ROBO1: variants seen among roughly 807,000 people sequenced by gnomAD.
The protein encoded by ROBO1 is roundabout guidance receptor 1, also known as roundabout homolog 1.
ROBO1 carries 149 observed loss-of-function variants against 195.9 expected under a neutral mutation model. The observed-to-expected ratio is 0.76, with a 90% CI of 0.67 to 0.87. The LOEUF (loss-of-function observed/expected upper bound fraction) is 0.87, where lower values mean the gene tolerates loss of function less well. Among genes scored for constraint, ROBO1 ranks in the 40% least tolerant of loss-of-function variants. The pLI, the probability that ROBO1 is intolerant of heterozygous loss-of-function variation, is 0.00. For synonymous variants in ROBO1, 816 were observed against 733.2 expected, an observed-to-expected ratio of 1.11 and a Z score of -1.82; for missense variants, 1,933 against 2,068.3, an observed-to-expected ratio of 0.93 and a Z score of 1.27.
At chr3:79,536,192 A>G (rs1246543337) in intron 2 of ROBO1, among the ~76,000 whole-genome samples, 2 of 152,104 alleles carry the variant, frequency 1.3e-5, no homozygotes, top group Non-Finnish European at 2.9e-5. Context: ...ACATATATAT[A>G]TCCCATATAT....
At chr3:78,872,777 T>A (rs899208169) in intron 4 of ROBO1, among the ~76,000 whole-genome samples, 1 of 152,150 alleles carries the variant, frequency 6.6e-6, no homozygotes, top group Non-Finnish European at 1.5e-5. Context: ...CCTTCCAAGG[T>A]TTTATTTAAT....
At chr3:78,620,164 A>G (rs900854358) in intron 26 of ROBO1, among the ~76,000 whole-genome samples, 1 of 152,148 alleles carries the variant, frequency 6.6e-6, no homozygotes, top group East Asian at 1.9e-4. Flanking sequence ...TCTCTACTAT[A>G]GAGAGGGAAA....
chr3:79,754,042 A>T (rs1704258297), intron 1 of ROBO1, among the ~76,000 whole-genome samples: 1 of 152,186 alleles, frequency 6.6e-6, no homozygotes, highest in Non-Finnish European at 1.5e-5. Flanking sequence ...GTCTAAGGAT[A>T]CAAGGAAATA....
intron 10 of ROBO1, among the ~76,000 whole-genome samples, chr3:78,675,986 G>A (rs1251965665): frequency 6.6e-6 from 1 of 152,064 alleles, no homozygotes; most frequent in Non-Finnish European, 1.5e-5. Flanking sequence ...AACTTCCAGA[G>A]GAACAATCAG....
intron 2 of ROBO1, among the ~76,000 whole-genome samples, chr3:79,164,817 T>C (rs567562203): frequency 6.6e-6 from 1 of 152,278 alleles, no homozygotes; most frequent in East Asian, 1.9e-4. Flanking sequence ...TTCTTGCTGT[T>C]TATCAAACAC....
rs151309857 is a variant in ROBO1, at chr3:79,181,925, CAA to C, written c.89-56388_89-56387del. ...TGGGAGAAAGAGCGAGATCTTGTGC[CAA>C]AAAAAAAAAAAAAAAAATTAAGAAA... On this transcript the variant is annotated intron_variant, in intron 2 of 30. Coordinates refer to ENST00000464233, the MANE Select transcript of ROBO1 (RefSeq NM_002941.4). Among the ~76,000 whole-genome samples the C allele has an allele frequency of 3.4e-3, 301 of 87,594 alleles. 3 individuals are homozygous for C. The highest frequency in any genetic ancestry group is 7.3e-3 in the African/African-American group (205 of 28,078). The allele number at this position is 87,594 out of a possible 152,430, so 57.5% of individuals were successfully genotyped here.
In ROBO1 at chr3:78,966,809, A is replaced by G. The variant is rs556998247; in HGVS notation, c.173-27882T>C. The stretch of plus-strand genomic sequence containing the variant: ...TTTCCCTGGACAAATGCTACACTTC[A>G]TCAGATCTGGTCTCTCTGTAGATCC... On this transcript the variant is annotated intron_variant, in intron 3 of 30. Coordinates refer to ENST00000464233, the MANE Select transcript of ROBO1 (RefSeq NM_002941.4). 1.1e-4 allele frequency among the ~76,000 whole-genome samples: 17 copies of G among 152,346 alleles called. No individual in the cohort carries two copies. In the South Asian group the frequency reaches 3.5e-3, roughly 32 times the overall value.
At chr3:79,632,974 C>T (rs1945387463) in intron 1 of ROBO1, among the ~76,000 whole-genome samples, 1 of 151,836 alleles carries the variant, frequency 6.6e-6, no homozygotes, top group Non-Finnish European at 1.5e-5. Context: ...ACATTTTGAA[C>T]ACTTCATTGA....
chr3:79,028,316 T>C (rs552654292), intron 3 of ROBO1, among the ~76,000 whole-genome samples: 1 of 151,946 alleles, frequency 6.6e-6, no homozygotes, highest in East Asian at 1.9e-4. Context: ...TCTTACAACA[T>C]GGAATAGCAG....
chr3:78,791,120 A>C (rs530849838), intron 4 of ROBO1, among the ~76,000 whole-genome samples: 9 of 152,308 alleles, frequency 5.9e-5, no homozygotes, highest in African/African-American at 2.2e-4. Context: ...AGTGAGAACA[A>C]AGAGAATTCC....
intron 25 of ROBO1, among the ~76,000 whole-genome samples, chr3:78,628,666 A>T (rs1704980618): frequency 6.6e-6 from 1 of 152,114 alleles, no homozygotes; most frequent in Non-Finnish European, 1.5e-5. Flanking sequence ...ATTTCTTTGC[A>T]TCTTTCTTTA....
chr3:79,557,020 GTTTT>G (rs375271433), intron 2 of ROBO1, among the ~76,000 whole-genome samples: 12 of 135,782 alleles, frequency 8.8e-5, no homozygotes, highest in African/African-American at 2.7e-4. Context: ...TTTTTTTGTT[GTTTT>G]TTTTTTTTAT....
Position 79,484,317 on chromosome 3 carries a change from C to T in ROBO1, c.88+105507G>A, listed in dbSNP as rs115892247. Among the ~76,000 whole-genome samples the T allele has an allele frequency of 4.5e-3, 686 of 152,152 alleles. 5 individuals are homozygous for T. Among genetic ancestry groups the T allele is most frequent in the African/African-American group, 0.016 (645 of 41,530 alleles). On this transcript the variant is annotated intron_variant, in intron 2 of 30. Coordinates refer to ENST00000464233, the MANE Select transcript of ROBO1 (RefSeq NM_002941.4). ...GAAAACTTTCAGATGTCAGCACTTC[C>T]GTGAAGCCAGAACCCTGCGGAAAAA...
intron 1 of ROBO1, among the ~76,000 whole-genome samples, chr3:79,606,213 A>T (rs1274840005): frequency 6.6e-6 from 1 of 151,902 alleles, no homozygotes; most frequent in African/African-American, 2.4e-5. Context: ...AAGACTAGAG[A>T]TCTAATGTAC....
chr3:79,121,860 TTAAGAA>T (rs1391090468), intron 3 of ROBO1, among the ~76,000 whole-genome samples: 1 of 152,002 alleles, frequency 6.6e-6, no homozygotes, highest in Non-Finnish European at 1.5e-5. Flanking sequence ...TGTAAAAAGA[TTAAGAA>T]TGTTAGTAGG....
intron 30 of ROBO1, among the ~76,000 whole-genome samples, chr3:78,599,742 C>T (rs1157050488): frequency 6.6e-6 from 1 of 152,150 alleles, no homozygotes; most frequent in East Asian, 1.9e-4. Flanking sequence ...AACTTCCTCA[C>T]TCACATCATA....
chr3:78,719,859 C>T (rs1399571766), intron 5 of ROBO1, among the ~76,000 whole-genome samples: 2 of 152,026 alleles, frequency 1.3e-5, no homozygotes, highest in Non-Finnish European at 1.5e-5. Context: ...CAGTTATTTC[C>T]TTGGGAGGTA....
chr3:79,563,361 G>A (rs1183988151), intron 2 of ROBO1, among the ~76,000 whole-genome samples: 3 of 151,996 alleles, frequency 2.0e-5, no homozygotes, highest in Non-Finnish European at 2.9e-5. Context: ...CCATAAAAGC[G>A]TGTGTATTTC....
chr3:79,557,911 G>A (rs1446354500), intron 2 of ROBO1, among the ~76,000 whole-genome samples: 1 of 151,744 alleles, frequency 6.6e-6, no homozygotes, highest in Non-Finnish European at 1.5e-5. Context: ...TCTCATCTTT[G>A]ATAAGACTAT....
Sources: gnomAD v4.1 joint callset for allele counts (sites outside exome capture counted in the v4.1 genomes callset) on GRCh38, gnomAD v4.1.1 for gene constraint, MANE v1.5 for transcripts, NCBI Gene and HGNC (gene_info 2026-07-23, HGNC 2026-07-21) for gene names.